BICC1: variants seen among roughly 807,000 people sequenced by gnomAD.
BICC1 encodes the protein BicC family RNA binding protein 1.
Under a neutral mutation model 111.0 loss-of-function variants are expected in BICC1, and 43 were observed. The observed-to-expected ratio is 0.39, with a 90% CI of 0.30 to 0.50. The LOEUF is 0.50. Ranked by LOEUF, BICC1 falls within the 20% of genes least tolerant of loss-of-function variation. The pLI is 0.88. For synonymous variants in BICC1, 467 were observed against 434.4 expected (o/e 1.07, Z -0.93); for missense variants, 1,091 against 1,203.2 (o/e 0.91, Z 1.38).
intron 1 of BICC1, among the ~76,000 whole-genome samples, chr10:58,559,870 A>G (rs886090579): frequency 6.6e-6 from 1 of 151,838 alleles, no homozygotes; most frequent in Non-Finnish European, 1.5e-5. Context: ...TCATTTTGTG[A>G]TATATCATGT....
chr10:58,570,188 T>C (rs1843903490), intron 1 of BICC1, among the ~76,000 whole-genome samples: 3 of 152,196 alleles, frequency 2.0e-5, no homozygotes, highest in African/African-American at 7.2e-5. Flanking sequence ...TGAGAGAGCA[T>C]GAAAGTCAAT....
intron 2 of BICC1, among the ~76,000 whole-genome samples, chr10:58,675,406 G>GTA (rs905112508): frequency 2.4e-4 from 36 of 151,874 alleles, no homozygotes; most frequent in South Asian, 1.0e-3. Context: ...AGAAATTGTG[G>GTA]TATATATATA....
intron 1 of BICC1, among the ~76,000 whole-genome samples, chr10:58,551,967 G>GGC (rs1843307798): frequency 6.6e-6 from 1 of 151,410 alleles, no homozygotes; most frequent in Non-Finnish European, 1.5e-5. Flanking sequence ...TTTTTTTTGG[G>GGC]GGGGGATAGA....
chr10:58,787,213 TA>T, intron 5 of BICC1, 132 bp downstream of exon 5: 1 of 747,858 alleles, frequency 1.3e-6, no homozygotes, highest in Non-Finnish European at 2.0e-6. Flanking sequence ...GTGTAGATTG[TA>T]CAACTTTCTG....
intron 3 of BICC1, among the ~76,000 whole-genome samples, chr10:58,763,734 C>G (rs1378890109): frequency 6.6e-6 from 1 of 151,704 alleles, no homozygotes; most frequent in African/African-American, 2.4e-5. Context: ...AATTTTGGAC[C>G]TGGCACGTTG....
chr10:58,676,711 C>A (rs1393561128), intron 2 of BICC1, among the ~76,000 whole-genome samples: 1 of 152,192 alleles, frequency 6.6e-6, no homozygotes, highest in Non-Finnish European at 1.5e-5. Flanking sequence ...GGGCAGACTG[C>A]CTCCTCAAGT....
At chr10:58,704,512 G>A (rs1007792265) in intron 3 of BICC1, among the ~76,000 whole-genome samples, 7 of 152,134 alleles carry the variant, frequency 4.6e-5, no homozygotes, top group Non-Finnish European at 8.8e-5. Flanking sequence ...ACCATAATTT[G>A]TATTTAATAA....
chr10:58,711,819 T>TC (rs1411603197), intron 3 of BICC1, among the ~76,000 whole-genome samples: 1 of 151,502 alleles, frequency 6.6e-6, no homozygotes, highest in East Asian at 1.9e-4. Context: ...TTTTTTTTTT[T>TC]TAAAGATATT....
intron 1 of BICC1, among the ~76,000 whole-genome samples, chr10:58,619,460 A>G (rs543098132): frequency 6.8e-6 from 1 of 146,920 alleles, no homozygotes; most frequent in Non-Finnish European, 1.5e-5. Flanking sequence ...GGCAGAGAGA[A>G]TTTCTCAAGT....
intron 1 of BICC1, among the ~76,000 whole-genome samples, chr10:58,586,740 T>C (rs998586213): frequency 6.6e-6 from 1 of 152,022 alleles, no homozygotes; most frequent in African/African-American, 2.4e-5. Flanking sequence ...TGCAAATGAA[T>C]ATATGTATAC....
At chr10:58,752,322 T>C (rs1423983276) in intron 3 of BICC1, among the ~76,000 whole-genome samples, 1 of 152,154 alleles carries the variant, frequency 6.6e-6, no homozygotes, top group East Asian at 1.9e-4. Flanking sequence ...TCTCTGATAT[T>C]AGGCATGCCC....
rs199650571 is a variant in BICC1, at chr10:58,789,450, T to C, written c.789T>C (p.Ala263=). ...GAGGGTCTCAGAATAACACTAGTGCTGTGAAGGTAAATTATTCAGATAATT... is the reference window on the plus strand; with the variant it reads ...GAGGGTCTCAGAATAACACTAGTGCCGTGAAGGTAAATTATTCAGATAATT... The part of the protein sequence containing the change: ...IVRGSQNNTS[A]VKEGTAMLLE... The change falls in exon 7 of 21, where the codon GCT becomes GCC. Residue 263 remains alanine (A), a synonymous_variant. Transcript: ENST00000373886. 1.2e-6 allele frequency: 2 copies of C among 1,610,266 alleles called. No individual in the cohort carries two copies. Among genetic ancestry groups the C allele is most frequent in the African/African-American group, 1.3e-5 (1 of 74,896 alleles).
At chr10:58,793,671 T>G in intron 9 of BICC1, 56 bp downstream of exon 9, 1 of 1,568,520 alleles carries the variant, frequency 6.4e-7, no homozygotes, top group Non-Finnish European at 8.7e-7. Context: ...GCTGTATAGT[T>G]TTATTTTGCA....
chr10:58,714,869 G>GC (rs1840688014), intron 3 of BICC1, among the ~76,000 whole-genome samples: 1 of 143,858 alleles, frequency 7.0e-6, no homozygotes, highest in Non-Finnish European at 1.5e-5. Flanking sequence ...TTTCTCATTA[G>GC]CTAAAAAAAA....
intron 20 of BICC1, chr10:58,824,009 C>T: frequency 3.0e-6 from 3 of 985,262 alleles, no homozygotes; most frequent in Non-Finnish European, 3.6e-6. Flanking sequence ...AGATACCTTC[C>T]TTGCTTCTTC....
chr10:58,652,242 A>G (rs1838472147), intron 2 of BICC1, among the ~76,000 whole-genome samples: 1 of 152,122 alleles, frequency 6.6e-6, no homozygotes, highest in Non-Finnish European at 1.5e-5. Flanking sequence ...GCTGAAATAG[A>G]CCCTCAAAAA....
intron 1 of BICC1, among the ~76,000 whole-genome samples, chr10:58,586,241 G>A (rs939085524): frequency 6.6e-6 from 1 of 151,968 alleles, no homozygotes; most frequent in East Asian, 1.9e-4. Context: ...ATTATTATAT[G>A]TCTGCTACAT....
At chr10:58,729,412 C>T (rs1473258722) in intron 3 of BICC1, among the ~76,000 whole-genome samples, 6 of 152,232 alleles carry the variant, frequency 3.9e-5, no homozygotes, top group Non-Finnish European at 7.3e-5. Context: ...TTCCTTACCT[C>T]TCTCAGCCTT....
chr10:58,690,516 CTTTTG>C (rs1839878880), intron 2 of BICC1, among the ~76,000 whole-genome samples: 1 of 152,292 alleles, frequency 6.6e-6, no homozygotes, highest in South Asian at 2.1e-4. Flanking sequence ...GAGAAATGAA[CTTTTG>C]TTCTGTTCAT....
Sources: gnomAD v4.1 joint callset for allele counts (sites outside exome capture counted in the v4.1 genomes callset) on GRCh38, gnomAD v4.1.1 for gene constraint, MANE v1.5 for transcripts, NCBI Gene and HGNC (gene_info 2026-07-23, HGNC 2026-07-21) for gene names.